The following HTT-AS variants were observed in gnomAD, a reference collection of about 807,000 sequenced individuals.
HTT-AS encodes HTT antisense RNA (head to head).
chr4:3,048,613 C>T (rs1213150953), downstream of HTT-AS, among the ~76,000 whole-genome samples: 1 of 152,172 alleles, frequency 6.6e-6, no homozygotes, highest in African/African-American at 2.4e-5. Flanking sequence ...AACTGAATCT[C>T]TATAATACCT....
intron 2 of HTT-AS, among the ~76,000 whole-genome samples, chr4:3,062,429 C>A (rs1052552648): frequency 1.4e-4 from 22 of 152,246 alleles, no homozygotes; most frequent in African/African-American, 5.1e-4. Context: ...CCCTGGAGTA[C>A]TCACCTGGCC....
At chr4:3,053,290 T>G (rs538682558) in intron 2 of HTT-AS, among the ~76,000 whole-genome samples, 1 of 152,356 alleles carries the variant, frequency 6.6e-6, no homozygotes, top group South Asian at 2.1e-4. Flanking sequence ...CCCAACACTT[T>G]GGGAGGCTGA....
At chr4:3,049,679 G>A (rs948983077) in exon 3 of HTT-AS, among the ~76,000 whole-genome samples, 3 of 152,110 alleles carry the variant, frequency 2.0e-5, no homozygotes, top group Admixed American at 6.6e-5. Flanking sequence ...GATGTTCTCA[G>A]AAGATCCAGT....
chr4:3,073,976 A>G (rs868433409), intron 1 of HTT-AS, among the ~76,000 whole-genome samples: 37 of 151,560 alleles, frequency 2.4e-4, no homozygotes, highest in Middle Eastern at 6.8e-3. Flanking sequence ...TCCTTTCCGC[A>G]TGGGCCTGCG....
chr4:3,047,135 C>CT (rs766218210), downstream of HTT-AS, among the ~76,000 whole-genome samples: 6 of 152,104 alleles, frequency 3.9e-5, no homozygotes, highest in Non-Finnish European at 8.8e-5. Context: ...CACGGTGAAA[C>CT]CCCGTCTCTA....
At chr4:3,064,322 C>G (rs1298136840) in intron 1 of HTT-AS, among the ~76,000 whole-genome samples, 1 of 151,938 alleles carries the variant, frequency 6.6e-6, no homozygotes, top group Non-Finnish European at 1.5e-5. Flanking sequence ...CCTCAAACTC[C>G]TTACCTTGTG....
At chr4:3,068,026 C>T (rs1489791586) in intron 1 of HTT-AS, among the ~76,000 whole-genome samples, 1 of 152,098 alleles carries the variant, frequency 6.6e-6, no homozygotes, top group Admixed American at 6.5e-5. Context: ...GGAAGACAGG[C>T]CAGGTGTGGT....
chr4:3,072,756 T>C (rs541870788), intron 1 of HTT-AS, among the ~76,000 whole-genome samples: 1 of 152,324 alleles, frequency 6.6e-6, no homozygotes, highest in Non-Finnish European at 1.5e-5. Context: ...GCCTCCGGAA[T>C]AGCTGGGACT....
intron 1 of HTT-AS, among the ~76,000 whole-genome samples, chr4:3,073,481 T>A (rs2110126710): frequency 6.6e-6 from 1 of 152,200 alleles, no homozygotes; most frequent in African/African-American, 2.4e-5. Context: ...TGCCGGAAGG[T>A]CAGAGCAGGG....
chr4:3,050,834 C>T (rs1005102874), intron 2 of HTT-AS, among the ~76,000 whole-genome samples: 10 of 152,096 alleles, frequency 6.6e-5, no homozygotes, highest in African/African-American at 2.4e-4. Context: ...CAGATTATCC[C>T]GTTTACCTCT....
downstream of HTT-AS, among the ~76,000 whole-genome samples, chr4:3,049,087 C>T (rs887982596): frequency 6.6e-6 from 1 of 152,170 alleles, no homozygotes; most frequent in African/African-American, 2.4e-5. Flanking sequence ...CTTTTCATTT[C>T]TATTATTCAT....
At chr4:3,068,801 C>T (rs895823982) in intron 1 of HTT-AS, among the ~76,000 whole-genome samples, 1 of 151,994 alleles carries the variant, frequency 6.6e-6, no homozygotes, top group African/African-American at 2.4e-5. Context: ...ATTACAGGTG[C>T]CTGGCACAAT....
At chr4:3,054,615 A>G (rs888544475) in intron 2 of HTT-AS, among the ~76,000 whole-genome samples, 6 of 152,240 alleles carry the variant, frequency 3.9e-5, no homozygotes, top group Non-Finnish European at 8.8e-5. Context: ...CTTGTAAAAG[A>G]AATTCTGTGT....
intron 1 of HTT-AS, among the ~76,000 whole-genome samples, chr4:3,070,441 C>T (rs1437399378): frequency 6.6e-6 from 1 of 152,080 alleles, no homozygotes; most frequent in Non-Finnish European, 1.5e-5. Flanking sequence ...CAGGCACCTG[C>T]CACCATGCCC....
intron 2 of HTT-AS, among the ~76,000 whole-genome samples, chr4:3,060,144 G>A (rs140156066): frequency 9.5e-4 from 145 of 152,276 alleles, no homozygotes; most frequent in African/African-American, 3.2e-3. Flanking sequence ...GGTTGGCACA[G>A]TTAAATCTTT....
intron 1 of HTT-AS, among the ~76,000 whole-genome samples, chr4:3,072,925 G>A (rs1197169926): frequency 6.6e-6 from 1 of 152,090 alleles, no homozygotes; most frequent in Non-Finnish European, 1.5e-5. Flanking sequence ...ACCGCACCTC[G>A]CTGGAACTTA....
rs550076457 is a variant in HTT-AS, at chr4:3,062,536, C to T, written n.1278G>A. Among the ~76,000 whole-genome samples the T allele has an allele frequency of 6.6e-5, 10 of 152,166 alleles. No individual in the cohort carries two copies. In the East Asian group the frequency reaches 1.4e-3, roughly 21 times the overall value. ...CTCCCCTCTGCGGCCTGTGCTTCACCGCCTTGACAGTGAGAAAGGTCTCCC... is the reference window on the plus strand; with the variant it reads ...CTCCCCTCTGCGGCCTGTGCTTCACTGCCTTGACAGTGAGAAAGGTCTCCC... On this transcript the variant is annotated non_coding_transcript_exon_variant, in exon 2 of 3. Coordinates refer to ENST00000664062, the Ensembl canonical transcript of HTT-AS.
chr4:3,053,596 G>A (rs1711751944), intron 2 of HTT-AS, among the ~76,000 whole-genome samples: 1 of 151,754 alleles, frequency 6.6e-6, no homozygotes, highest in South Asian at 2.1e-4. Flanking sequence ...AGAAAAATGA[G>A]TGCTTAAATC....
intron 1 of HTT-AS, among the ~76,000 whole-genome samples, chr4:3,073,956 C>G (rs1712289092): frequency 6.6e-6 from 1 of 152,070 alleles, no homozygotes; most frequent in African/African-American, 2.4e-5. Context: ...CTCCAGGCGT[C>G]GGCGGGGGAT....
Sources: gnomAD v4.1 joint callset for allele counts (sites outside exome capture counted in the v4.1 genomes callset) on GRCh38, gnomAD v4.1.1 for gene constraint, MANE v1.5 for transcripts, NCBI Gene and HGNC (gene_info 2026-07-23, HGNC 2026-07-21) for gene names.